The following TTC7B variants were observed in gnomAD, a reference collection of about 807,000 sequenced individuals.
The protein encoded by TTC7B is tetratricopeptide repeat protein 7B.
In TTC7B, 28 loss-of-function variants were observed where a neutral mutation model predicts 106.8. That is an observed-to-expected ratio of 0.26 (90% confidence interval 0.19 to 0.36). The LOEUF is 0.36. Among genes scored for constraint, TTC7B ranks in the 10% least tolerant of loss-of-function variants. TTC7B has a pLI of 1.00. For synonymous variants in TTC7B, 405 were observed against 430.6 expected, an observed-to-expected ratio of 0.94 and a Z score of 0.74; for missense variants, 862 against 1,076.4, an observed-to-expected ratio of 0.80 and a Z score of 2.79.
intron 15 of TTC7B, among the ~76,000 whole-genome samples, chr14:90,625,439 G>A (rs950208236): frequency 2.6e-5 from 4 of 152,180 alleles, no homozygotes; most frequent in African/African-American, 4.8e-5. Context: ...AGGGCCCACC[G>A]TATGCTGCTC....
chr14:90,652,521 CT>C (rs1885771792), intron 13 of TTC7B, among the ~76,000 whole-genome samples: 1 of 150,286 alleles, frequency 6.7e-6, no homozygotes, highest in African/African-American at 2.4e-5. Flanking sequence ...AGAATAATCT[CT>C]TCTCTAGATG....
chr14:90,804,911 G>A (rs2030514170), intron 1 of TTC7B, among the ~76,000 whole-genome samples: 1 of 152,326 alleles, frequency 6.6e-6, no homozygotes, highest in Non-Finnish European at 1.5e-5. Context: ...GAGGGGACCT[G>A]AACCCCTCTC....
chr14:90,641,085 A>C (rs1276237473), intron 15 of TTC7B, among the ~76,000 whole-genome samples: 1 of 152,186 alleles, frequency 6.6e-6, no homozygotes, highest in African/African-American at 2.4e-5. Flanking sequence ...ACGGTTAGAA[A>C]CATCTTCTCA....
At chr14:90,701,579 CTCCGAG>C (rs1490312276) in intron 5 of TTC7B, among the ~76,000 whole-genome samples, 1 of 151,966 alleles carries the variant, frequency 6.6e-6, no homozygotes, top group South Asian at 2.1e-4. Context: ...CTCCCCTAAG[CTCCGAG>C]TCTCTGAGAA....
Position 90,814,204 on chromosome 14 carries a change from G to A in TTC7B, c.121+1971C>T, listed in dbSNP as rs79816371. Among the ~76,000 whole-genome samples the A allele has an allele frequency of 4.1e-3, 625 of 152,254 alleles. 3 individuals are homozygous for A. Among genetic ancestry groups the A allele is most frequent in the Non-Finnish European group, 6.8e-3 (461 of 68,030 alleles). ...TCATGACTGCATCTTAGGACATTGG[G>A]AGCAGCCCCTGGGAAGAGAGCTAAG... On this transcript the variant is annotated intron_variant, in intron 1 of 19. Coordinates refer to ENST00000328459, the MANE Select transcript of TTC7B (RefSeq NM_001010854.2).
At chr14:90,760,349 T>TAAC (rs1890458467) in intron 3 of TTC7B, among the ~76,000 whole-genome samples, 1 of 152,176 alleles carries the variant, frequency 6.6e-6, no homozygotes, top group South Asian at 2.1e-4. Flanking sequence ...TCCTCCACAG[T>TAAC]CTGCAGAGGT....
chr14:90,640,053 T>C (rs1278441305), intron 15 of TTC7B, among the ~76,000 whole-genome samples: 2 of 152,158 alleles, frequency 1.3e-5, no homozygotes, highest in Admixed American at 1.3e-4. Flanking sequence ...CCGAGGCGCA[T>C]GGATCGCTTG....
At chr14:90,706,384 C>T (rs1888213807) in intron 5 of TTC7B, among the ~76,000 whole-genome samples, 1 of 151,938 alleles carries the variant, frequency 6.6e-6, no homozygotes, top group Non-Finnish European at 1.5e-5. Context: ...AGGATGGTCT[C>T]GATCTCCTGA....
intron 3 of TTC7B, among the ~76,000 whole-genome samples, chr14:90,756,608 T>C (rs1341604988): frequency 6.6e-6 from 1 of 152,170 alleles, no homozygotes; most frequent in Non-Finnish European, 1.5e-5. Context: ...TTAGCCAGGC[T>C]GGTCTCAAAC....
intron 3 of TTC7B, among the ~76,000 whole-genome samples, chr14:90,775,846 C>A (rs909062698): frequency 6.6e-5 from 10 of 152,102 alleles, no homozygotes; most frequent in Non-Finnish European, 1.3e-4. Flanking sequence ...TGGTGCCATG[C>A]AATCTGGAAA....
rs1174590000 is a variant in TTC7B at position 90,805,262 on chromosome 14, T to C, written c.121+10913A>G. Among the ~76,000 whole-genome samples, 2 of 152,110 alleles carry C rather than the reference T, an allele frequency of 1.3e-5. No homozygotes were observed. The highest frequency in any genetic ancestry group is 4.8e-5 in the African/African-American group (2 of 41,420). ...TGAGTAATGAATCTAAGTAAACTCC[T>C]CAAGGGCAGAGGCCAAGGTGTCTTG... On this transcript the variant is annotated intron_variant, in intron 1 of 19. Coordinates refer to ENST00000328459, the MANE Select transcript of TTC7B (RefSeq NM_001010854.2). The surrounding 1 kb of genome is among the most constrained non-coding windows in gnomAD (Gnocchi z 4.0).
intron 15 of TTC7B, among the ~76,000 whole-genome samples, chr14:90,637,137 G>C (rs934649849): frequency 1.3e-5 from 2 of 151,686 alleles, no homozygotes; most frequent in Non-Finnish European, 2.9e-5. Flanking sequence ...CAAGTATCTG[G>C]CAAGACTATT....
intron 15 of TTC7B, among the ~76,000 whole-genome samples, chr14:90,622,116 ATTTT>A (rs34021447): frequency 1.5e-5 from 2 of 134,994 alleles, no homozygotes; most frequent in African/African-American, 2.8e-5. Context: ...CATGATTCTA[ATTTT>A]TTTTTTTTTT....
chr14:90,792,253 C>T (rs1891611277), intron 1 of TTC7B, among the ~76,000 whole-genome samples: 1 of 152,054 alleles, frequency 6.6e-6, no homozygotes, highest in African/African-American at 2.4e-5. Context: ...AGTCGTGATG[C>T]CAAGATGTGG....
intron 9 of TTC7B, among the ~76,000 whole-genome samples, chr14:90,670,135 A>C (rs1052482474): frequency 1.3e-5 from 2 of 152,224 alleles, no homozygotes; most frequent in African/African-American, 4.8e-5. Context: ...ATATACATAC[A>C]ATGGAATATT....
At chr14:90,544,427 G>A (rs891524906) in intron 19 of TTC7B, among the ~76,000 whole-genome samples, 1 of 152,206 alleles carries the variant, frequency 6.6e-6, no homozygotes, top group Admixed American at 6.5e-5. Flanking sequence ...CCTGGTGCCT[G>A]CCTGAAGGGC....
intron 9 of TTC7B, among the ~76,000 whole-genome samples, chr14:90,670,235 G>A (rs1886579989): frequency 6.6e-6 from 1 of 152,206 alleles, no homozygotes; most frequent in Admixed American, 6.5e-5. Flanking sequence ...TAGGCTAAGT[G>A]AAGCAAGCCA....
intron 14 of TTC7B, chr14:90,646,738 A>G: frequency 1.8e-6 from 1 of 557,826 alleles, no homozygotes; most frequent in Non-Finnish European, 3.2e-6. Flanking sequence ...TTAATGTCCA[A>G]TAGCAGAGCC....
Position 90,536,672 on chromosome 14 carries a change from C to T in TTC7B, c.*4696G>A, listed in dbSNP as rs535899447. 2.6e-5 allele frequency: 4 copies of T among 152,348 alleles called. No homozygotes were observed. The highest frequency in any genetic ancestry group is 9.7e-5 in the African/African-American group (4 of 41,440). 9.4% of individuals were successfully genotyped at this position (152,348 alleles called of 1,614,324 possible). ...ATCTTCACAGTCCAGTGCCTCTCGC[C>T]ACTTCCTCCACGCCCCTTGGTCTAA... is the stretch of plus-strand genomic sequence containing the variant. On this transcript the variant is annotated 3_prime_UTR_variant, in exon 20 of 20. Transcript: ENST00000328459.
Sources: allele counts gnomAD v4.1 joint callset (sites outside exome capture counted in the v4.1 genomes callset), GRCh38; gene constraint gnomAD v4.1.1; non-coding constraint Gnocchi (gnomAD v3.1); transcripts MANE v1.5; gene names NCBI Gene and HGNC (gene_info 2026-07-23, HGNC 2026-07-21).